CASD1: variants seen among roughly 807,000 people sequenced by gnomAD.
CASD1 encodes the protein CAS1 domain sialic acid O acetyltransferase 1.
CASD1 carries 41 observed loss-of-function variants against 100.0 expected under a neutral mutation model. That is an observed-to-expected ratio of 0.41 (90% CI 0.32 to 0.53). The LOEUF (loss-of-function observed/expected upper bound fraction) is 0.53. Ranked by LOEUF, CASD1 falls within the 20% of genes least tolerant of loss-of-function variation. CASD1 has a pLI of 0.25. For missense variants in CASD1, 774 were observed against 948.7 expected (o/e 0.82, Z 2.42); for synonymous variants, 321 against 315.6 (o/e 1.02, Z -0.18).
chr7:94,581,797 C>T, the CASD1 span, among the ~76,000 whole-genome samples: 1 of 152,186 alleles, frequency 6.6e-6, no homozygotes, highest in Non-Finnish European at 1.5e-5. Flanking sequence ...TAGGTTGATT[C>T]TACCTCTCTG....
chr7:94,606,961 A>G, the CASD1 span, among the ~76,000 whole-genome samples: 1 of 152,302 alleles, frequency 6.6e-6, no homozygotes, highest in Admixed American at 6.5e-5. Flanking sequence ...ATTTGGCAAA[A>G]GCAATACTTA....
chr7:94,631,323 C>G, the CASD1 span, among the ~76,000 whole-genome samples: 15 of 151,272 alleles, frequency 9.9e-5, no homozygotes, highest in Non-Finnish European at 1.9e-4. Context: ...CAGTTTGATA[C>G]CACAATGTAC....
At chr7:94,548,282 A>G (rs1192642199) in intron 13 of CASD1, among the ~76,000 whole-genome samples, 2 of 151,860 alleles carry the variant, frequency 1.3e-5, no homozygotes, top group Admixed American at 1.3e-4. Flanking sequence ...ATATTTGTTT[A>G]TTGATCACAT....
chr7:94,536,482 A>G (rs1795126065), intron 8 of CASD1, among the ~76,000 whole-genome samples: 1 of 152,200 alleles, frequency 6.6e-6, no homozygotes, highest in South Asian at 2.1e-4. Flanking sequence ...AGTATCTGAT[A>G]CAAGACAATG....
At chr7:94,515,543 C>G (rs1042939881) in intron 1 of CASD1, among the ~76,000 whole-genome samples, 10 of 151,850 alleles carry the variant, frequency 6.6e-5, no homozygotes, top group African/African-American at 2.4e-4. Flanking sequence ...ATTTTAGACA[C>G]GTTTTCTGGG....
chr7:94,536,034 G>A (rs942119288), intron 8 of CASD1, among the ~76,000 whole-genome samples: 1 of 152,190 alleles, frequency 6.6e-6, no homozygotes, highest in Non-Finnish European at 1.5e-5. Flanking sequence ...CTTGAGGTCA[G>A]GAGTTCGAGA....
At chr7:94,598,599 A>G in the CASD1 span, 1 of 629,938 alleles carries the variant, frequency 1.6e-6, no homozygotes, top group East Asian at 2.8e-5. Context: ...CATTTCCTAA[A>G]AGTAATTGTA....
At chr7:94,597,500 A>G in the CASD1 span, 2 of 152,148 alleles carry the variant, frequency 1.3e-5, no homozygotes, top group Non-Finnish European at 2.9e-5. Flanking sequence ...TCCCAGGTAA[A>G]TGTGTTCACT....
chr7:94,523,120 A>G (rs1794376063), intron 3 of CASD1, among the ~76,000 whole-genome samples: 1 of 152,230 alleles, frequency 6.6e-6, no homozygotes, highest in African/African-American at 2.4e-5. Context: ...GAAATGTCAG[A>G]CATACTTCCA....
chr7:94,619,024 C>A, the CASD1 span: 1 of 1,156,458 alleles, frequency 8.6e-7, no homozygotes, highest in Non-Finnish European at 1.3e-6. Context: ...AACAAAAGAA[C>A]AATTTGCGAT....
At chr7:94,581,345 A>G in the CASD1 span, among the ~76,000 whole-genome samples, 24 of 152,312 alleles carry the variant, frequency 1.6e-4, no homozygotes, top group African/African-American at 5.5e-4. Flanking sequence ...TTCAATTGAC[A>G]TCAAATGACA....
chr7:94,580,725 C>G, the CASD1 span, among the ~76,000 whole-genome samples: 1 of 152,246 alleles, frequency 6.6e-6, no homozygotes, highest in Non-Finnish European at 1.5e-5. Context: ...CCAATTATTT[C>G]ACAATGCACA....
At chr7:94,590,298 A>G in the CASD1 span, among the ~76,000 whole-genome samples, 8 of 152,022 alleles carry the variant, frequency 5.3e-5, no homozygotes, top group Non-Finnish European at 8.8e-5. Flanking sequence ...CTCAAGAACC[A>G]CCTTCCTATG....
At chr7:94,581,377 CTTT>C in the CASD1 span, among the ~76,000 whole-genome samples, 1 of 152,252 alleles carries the variant, frequency 6.6e-6, no homozygotes, top group African/African-American at 2.4e-5. Flanking sequence ...TCATTTCCAA[CTTT>C]TGTTTTAAGC....
chr7:94,589,636 G>A, the CASD1 span: 8 of 152,346 alleles, frequency 5.3e-5, no homozygotes, highest in Non-Finnish European at 7.3e-5. Context: ...TCAGACCAGC[G>A]GCAGCAGTAG....
chr7:94,538,196 T>C (rs1348158488), intron 9 of CASD1, among the ~76,000 whole-genome samples: 1 of 152,202 alleles, frequency 6.6e-6, no homozygotes, highest in African/African-American at 2.4e-5. Flanking sequence ...GAAGTACTTC[T>C]GATTTTATAA....
At chr7:94,587,961 C>G in the CASD1 span, 1 of 1,426,480 alleles carries the variant, frequency 7.0e-7, no homozygotes, top group African/African-American at 1.5e-5. Context: ...CCACACCCAA[C>G]TTACATTTTT....
chr7:94,543,111 G>C (rs1220872612), intron 10 of CASD1, among the ~76,000 whole-genome samples: 1 of 152,128 alleles, frequency 6.6e-6, no homozygotes. Flanking sequence ...AAATAAAAGA[G>C]ACTTGACAAA....
At chr7:94,523,791 T>A (rs1299393752) in intron 3 of CASD1, among the ~76,000 whole-genome samples, 1 of 152,176 alleles carries the variant, frequency 6.6e-6, no homozygotes, top group African/African-American at 2.4e-5. Flanking sequence ...TGTTATACAA[T>A]ATCAAGATTT....
Sources: gnomAD v4.1 joint callset for allele counts (sites outside exome capture counted in the v4.1 genomes callset) on GRCh38, gnomAD v4.1.1 for gene constraint, MANE v1.5 for transcripts, NCBI Gene and HGNC (gene_info 2026-07-23, HGNC 2026-07-21) for gene names.